GAS6: variants seen among roughly 807,000 people sequenced by gnomAD.
The protein encoded by GAS6 is growth arrest specific 6.
Under a neutral mutation model 75.8 loss-of-function variants are expected in GAS6, and 41 were observed. The ratio of observed to expected loss-of-function variants is 0.54; its 90% CI spans 0.42 to 0.70. The LOEUF (loss-of-function observed/expected upper bound fraction) is 0.70, where lower values mean the gene tolerates loss of function less well. Ranked by LOEUF, GAS6 falls within the 30% of genes least tolerant of loss-of-function variation. The probability of loss-of-function intolerance (pLI) is 0.00; values close to 1 mark genes in which losing one functional copy is unlikely to be tolerated. For synonymous variants in GAS6, 432 were observed against 412.6 expected (o/e 1.05, Z -0.57); for missense variants, 854 against 940.2 (o/e 0.91, Z 1.20).
intron 2 of GAS6, among the ~76,000 whole-genome samples, chr13:113,858,979 TATGA>T (rs1390944818): frequency 6.6e-6 from 1 of 150,876 alleles, no homozygotes; most frequent in African/African-American, 2.4e-5. Context: ...TGTATGTCTA[TATGA>T]ATGTGTGCAT....
intron 2 of GAS6, among the ~76,000 whole-genome samples, chr13:113,849,932 A>G (rs748717022): frequency 1.3e-5 from 2 of 152,244 alleles, no homozygotes; most frequent in Non-Finnish European, 2.9e-5. Context: ...GCTAAGATGA[A>G]TAAACCTAAA....
intron 10 of GAS6, 102 bp downstream of exon 10, chr13:113,832,197 C>G (rs575570556): frequency 6.1e-6 from 8 of 1,310,724 alleles, no homozygotes; most frequent in Non-Finnish European, 7.3e-6. Flanking sequence ...CAGATGCAGG[C>G]CCCAGAGCTC....
chr13:113,824,415 C>T (rs76090950), intron 12 of GAS6, among the ~76,000 whole-genome samples: 1,674 of 67,522 alleles, frequency 0.025, 532 homozygotes, highest in African/African-American at 0.15. Context: ...GTCAGGAGCA[C>T]ATGCGGTCTG....
At chr13:113,856,295 G>A (rs1241097552) in intron 2 of GAS6, among the ~76,000 whole-genome samples, 7 of 152,172 alleles carry the variant, frequency 4.6e-5, no homozygotes, top group African/African-American at 1.4e-4. Context: ...GGGTGCTGCC[G>A]CGTCCTGCTC....
intron 10 of GAS6, among the ~76,000 whole-genome samples, chr13:113,828,995 TCCCGATCTCAGGGAGACCA>T (rs2051590965): frequency 1.0e-5 from 1 of 96,706 alleles, no homozygotes; most frequent in African/African-American, 7.8e-5. Flanking sequence ...GCCAAGAGGG[TCCCGATCTCAGGGAGACCA>T]CCTGATCCTC....
intron 4 of GAS6, chr13:113,842,909 C>A: frequency 2.5e-6 from 1 of 397,046 alleles, no homozygotes; most frequent in South Asian, 1.3e-4. Flanking sequence ...AGTGCCTGCT[C>A]CTGCCAGGTG....
chr13:113,842,290 T>C (rs963057496), intron 4 of GAS6: 1 of 273,250 alleles, frequency 3.7e-6, no homozygotes, highest in African/African-American at 2.3e-5. Flanking sequence ...CACTTGTGGG[T>C]GTGGACGGAG....
chr13:113,862,228 C>T (rs2051977330), intron 2 of GAS6, among the ~76,000 whole-genome samples: 1 of 152,244 alleles, frequency 6.6e-6, no homozygotes. Context: ...GGGCTGCGGC[C>T]AGGCCTTGCA....
chr13:113,861,950 A>G (rs917653555), intron 2 of GAS6, among the ~76,000 whole-genome samples: 2 of 152,202 alleles, frequency 1.3e-5, no homozygotes, highest in African/African-American at 2.4e-5. Flanking sequence ...CCCGGGCACC[A>G]AAGCCACTCA....
chr13:113,861,812 A>T (rs1161024427), intron 2 of GAS6, among the ~76,000 whole-genome samples: 5 of 152,178 alleles, frequency 3.3e-5, no homozygotes. Context: ...AACCAGAGGG[A>T]AAGCGGGTTG....
chr13:113,861,824 T>A (rs1457494833), intron 2 of GAS6, among the ~76,000 whole-genome samples: 1 of 152,128 alleles, frequency 6.6e-6, no homozygotes, highest in African/African-American at 2.4e-5. Flanking sequence ...AGCGGGTTGT[T>A]ATCATTTGGC....
At chr13:113,856,146 G>A (rs1296205424) in intron 2 of GAS6, among the ~76,000 whole-genome samples, 1 of 152,182 alleles carries the variant, frequency 6.6e-6, no homozygotes, top group African/African-American at 2.4e-5. Flanking sequence ...CGAGACTAAT[G>A]CTCCGAGCCA....
In GAS6 at chr13:113,832,619, T is replaced by G. The variant is rs772313363; in HGVS notation, c.953+15A>C. 3.7e-6 allele frequency: 6 copies of G among 1,612,686 alleles called. No homozygotes were observed. The East Asian group carries it at 1.3e-4, about 36-fold the overall frequency. On this transcript the variant is annotated intron_variant, in intron 9 of 14. Coordinates refer to ENST00000327773, the MANE Select transcript of GAS6 (RefSeq NM_000820.4). ...CCATTCTAAGTTGTGTTGCCTCCTG[T>G]GGACACCTCCTCACCTGGTGGGCTG...
intron 2 of GAS6, among the ~76,000 whole-genome samples, chr13:113,854,157 C>T (rs1169506153): frequency 1.3e-5 from 2 of 152,228 alleles, no homozygotes; most frequent in African/African-American, 2.4e-5. Context: ...TGGGAGCCCT[C>T]TTCCTGGGAG....
Position 113,832,637 on chromosome 13 carries a change from G to A in GAS6, c.950C>T (p.Thr317Ile). The A allele has an allele frequency of 1.2e-6, 2 of 1,612,750 alleles. No homozygotes were observed. The highest frequency in any genetic ancestry group is 1.7e-6 in the Non-Finnish European group (2 of 1,179,958). ...CCTCCTGTGGACACCTCCTCACCTGGTGGGCTGCAGCCTCTTGAAGCGCAG... is the reference window on the plus strand; with the variant it reads ...CCTCCTGTGGACACCTCCTCACCTGATGGGCTGCAGCCTCTTGAAGCGCAG... ...IRLRFKRLQP[T>I]RLVAEFDFRT... is the part of the protein sequence containing the mutation. Residue 317 changes from threonine (T) to isoleucine (I), a missense_variant, in exon 9 of 15, where the codon ACC (threonine) becomes ATC (isoleucine). Transcript: ENST00000327773.
Position 113,821,033 on chromosome 13 carries a change from G to C in GAS6, c.1883-15C>G, listed in dbSNP as rs1459447883. ...CACCGGCACATCTGGGCCGCAGGGA[G>C]AGAACAACATATCTTAGCTCACCAC... On this transcript the variant is annotated splice_polypyrimidine_tract_variant and intron_variant, in intron 14 of 14. Coordinates refer to ENST00000327773, the MANE Select transcript of GAS6 (RefSeq NM_000820.4). 4.3e-6 allele frequency: 7 copies of C among 1,611,704 alleles called. No homozygotes were observed. Among genetic ancestry groups the C allele is most frequent in the South Asian group, 2.2e-5 (2 of 91,030 alleles).
At chr13:113,835,658 C>CA in intron 6 of GAS6, 23 bp from the exon 7 acceptor site, 2 of 1,609,114 alleles carry the variant, frequency 1.2e-6, no homozygotes, top group Non-Finnish European at 1.7e-6. Context: ...AAAAACCGGC[C>CA]AACCGCAGCA....
rs200529041 is a variant in GAS6 at position 113,835,962 on chromosome 13, CG to C, written c.590-328del. The C allele has an allele frequency of 4.0e-3, 4,404 of 1,105,386 alleles. 139 individuals carry two copies. The African/African-American group carries it at 0.065, about 16-fold the overall frequency. The allele number at this position is 1,105,386 out of a possible 1,614,324, so 68.5% of individuals were successfully genotyped here. A position where few individuals can be genotyped will look rare whatever the true frequency, so the allele number is the denominator to read the frequency against. On this transcript the variant is annotated intron_variant, in intron 6 of 14. Transcript: ENST00000327773. Reference sequence around the variant, plus strand: ...ATTTAAATGACGGTGCTACAGGACACGGGGCCGTAAAAAGTAACCCCCCGGG... The same window carrying C: ...ATTTAAATGACGGTGCTACAGGACACGGGCCGTAAAAAGTAACCCCCCGGG...
intron 4 of GAS6, among the ~76,000 whole-genome samples, chr13:113,846,266 C>T (rs2051832951): frequency 6.6e-6 from 1 of 152,260 alleles, no homozygotes; most frequent in African/African-American, 2.4e-5. Flanking sequence ...GACTGGACGA[C>T]TCAGAGGCGG....
Sources: gnomAD v4.1 joint callset for allele counts (sites outside exome capture counted in the v4.1 genomes callset) on GRCh38, gnomAD v4.1.1 for gene constraint, MANE v1.5 for transcripts, NCBI Gene and HGNC (gene_info 2026-07-23, HGNC 2026-07-21) for gene names.